BIN3: variants seen among roughly 807,000 people sequenced by gnomAD.
BIN3 encodes bridging integrator 3.
A neutral mutation model predicts 38.2 loss-of-function variants in BIN3; 41 were observed. The ratio of observed to expected loss-of-function variants is 1.07; its 90% CI spans 0.84 to 1.39. BIN3 has a LOEUF of 1.39. Ranked by LOEUF, BIN3 falls within the 40% of genes most tolerant of loss-of-function variation. The pLI is 0.00. For synonymous variants in BIN3, 145 were observed against 122.6 expected (o/e 1.18, Z -1.21); for missense variants, 361 against 324.3 (o/e 1.11, Z -0.87).
At chr8:22,634,798 G>C (rs1015685666) in intron 4 of BIN3, among the ~76,000 whole-genome samples, 5 of 152,168 alleles carry the variant, frequency 3.3e-5, no homozygotes, top group South Asian at 2.1e-4. Flanking sequence ...GGGCACGGGG[G>C]TGGGCAAAGG....
At chr8:22,660,987 C>T (rs1332990085) in intron 1 of BIN3, among the ~76,000 whole-genome samples, 1 of 152,200 alleles carries the variant, frequency 6.6e-6, no homozygotes, top group Non-Finnish European at 1.5e-5. Flanking sequence ...TGGGCTCCAG[C>T]AGTCCACCTG....
Position 22,629,985 on chromosome 8 carries a change from GTC to G in BIN3, c.315_316del (p.Lys105AsnfsTer41). On this transcript the variant is annotated frameshift_variant, in exon 6 of 9. Transcript: ENST00000276416. LOFTEE classifies it high-confidence loss of function. Reference sequence around the variant, plus strand: ...TCACTTTTTTAAGGGCTCGATCACAGTCTTCTGGATCTGGTTCACCTGTCAAA... The same window carrying G: ...TCACTTTTTTAAGGGCTCGATCACAGTTCTGGATCTGGTTCACCTGTCAAA... 1.2e-6 allele frequency: 2 copies of G among 1,609,766 alleles called. No individual in the cohort carries two copies. Among genetic ancestry groups the G allele is most frequent in the Non-Finnish European group, 1.7e-6 (2 of 1,177,860 alleles).
At chr8:22,655,213 C>T (rs1236646043) in intron 1 of BIN3, among the ~76,000 whole-genome samples, 1 of 152,192 alleles carries the variant, frequency 6.6e-6, no homozygotes, top group Admixed American at 6.5e-5. Context: ...GAAATATTTT[C>T]TCTCATCCAT....
At chr8:22,661,671 G>A (rs1318790622) in intron 1 of BIN3, among the ~76,000 whole-genome samples, 1 of 151,924 alleles carries the variant, frequency 6.6e-6, no homozygotes. Context: ...AATGTTGAGT[G>A]TATCACTCTT....
intron 6 of BIN3, among the ~76,000 whole-genome samples, chr8:22,629,024 C>T (rs1458855768): frequency 3.3e-5 from 5 of 152,210 alleles, no homozygotes; most frequent in Non-Finnish European, 5.9e-5. Flanking sequence ...TGAGCCTCCA[C>T]GGTCCTGGCT....
chr8:22,636,504 T>G (rs956458452), intron 4 of BIN3, 21 bp downstream of exon 4: 98 of 1,551,150 alleles, frequency 6.3e-5, no homozygotes, highest in Non-Finnish European at 8.1e-5. Context: ...AAGCGAGTGG[T>G]GCGGGTGGAA....
intron 2 of BIN3, 122 bp downstream of exon 2, chr8:22,644,633 G>T: frequency 1.1e-6 from 1 of 912,204 alleles, no homozygotes; most frequent in Non-Finnish European, 1.7e-6. Context: ...CGCATAAGCA[G>T]GAAGAAGGCC....
At chr8:22,635,875 A>G (rs955273089) in intron 4 of BIN3, among the ~76,000 whole-genome samples, 3 of 152,064 alleles carry the variant, frequency 2.0e-5, no homozygotes, top group African/African-American at 7.2e-5. Context: ...GCCTGCAGCA[A>G]GGGCTCTGGA....
chr8:22,665,825 C>T (rs1395242973), intron 1 of BIN3, among the ~76,000 whole-genome samples: 3 of 152,154 alleles, frequency 2.0e-5, no homozygotes, highest in African/African-American at 7.2e-5. Flanking sequence ...ACATGAGGAA[C>T]ACCAAAGTGT....
At chr8:22,629,329 G>A (rs896678404) in intron 6 of BIN3, among the ~76,000 whole-genome samples, 3 of 152,174 alleles carry the variant, frequency 2.0e-5, no homozygotes, top group African/African-American at 7.2e-5. Context: ...GGAAGATGAA[G>A]TGATTCGGGG....
In BIN3 at chr8:22,658,844, T is replaced by C. The variant is rs546005902; in HGVS notation, c.8+10200A>G. ...GGGCTGAGCAAAGAGTAGGCGGTGG[T>C]GGTTGATAGTGGCTGAAATCCTGGC... On this transcript the variant is annotated intron_variant, in intron 1 of 8. Transcript: ENST00000276416. Among the ~76,000 whole-genome samples, 85 of 139,756 alleles carry C rather than the reference T, an allele frequency of 6.1e-4. 1 individual carries two copies. The highest frequency in any genetic ancestry group is 2.8e-3 in the South Asian group (12 of 4,336). 91.7% of individuals were successfully genotyped at this position (139,756 alleles called of 152,430 possible).
chr8:22,635,833 C>T (rs562781101), intron 4 of BIN3, among the ~76,000 whole-genome samples: 2 of 152,254 alleles, frequency 1.3e-5, no homozygotes, highest in South Asian at 4.1e-4. Context: ...TCCATCTCTC[C>T]CGGCTGCTCG....
intron 4 of BIN3, among the ~76,000 whole-genome samples, chr8:22,632,768 G>C (rs964307090): frequency 6.9e-6 from 1 of 145,354 alleles, no homozygotes; most frequent in Non-Finnish European, 1.5e-5. Flanking sequence ...GAGTGCAATG[G>C]CATCATCTCG....
rs1802660032 is a variant in BIN3 at position 22,644,692 on chromosome 8, T to A, written c.57+63A>T. On this transcript the variant is annotated intron_variant, in intron 2 of 8. Coordinates refer to ENST00000276416, the MANE Select transcript of BIN3 (RefSeq NM_018688.6). ...AAGATGTGTTGATTCAAAGCTTTGA[T>A]TCTTATGCAAAGGCCATGTGATACA... The A allele has an allele frequency of 2.7e-6, 4 of 1,491,586 alleles. No individual in the cohort carries two copies. In the South Asian group the frequency reaches 3.6e-5, roughly 13 times the overall value. 92.4% of individuals were successfully genotyped at this position (1,491,586 alleles called of 1,614,324 possible). A position where few individuals can be genotyped will look rare whatever the true frequency, so the allele number is the denominator to read the frequency against.
At chr8:22,651,103 A>G (rs1180347621) in intron 1 of BIN3, among the ~76,000 whole-genome samples, 1 of 152,210 alleles carries the variant, frequency 6.6e-6, no homozygotes, top group Non-Finnish European at 1.5e-5. Context: ...TGACCAACAG[A>G]AACTATTTGT....
At chr8:22,639,225 T>C (rs1215977249) in intron 2 of BIN3, among the ~76,000 whole-genome samples, 2 of 151,914 alleles carry the variant, frequency 1.3e-5, no homozygotes, top group South Asian at 4.1e-4. Context: ...GACTTGATAG[T>C]ACTAAGCATT....
intron 1 of BIN3, among the ~76,000 whole-genome samples, chr8:22,647,266 T>C (rs1802743513): frequency 6.6e-6 from 1 of 152,164 alleles, no homozygotes; most frequent in Admixed American, 6.5e-5. Flanking sequence ...ATCAGAAACG[T>C]AGATTCCATT....
At position 22,656,478 on chromosome 8, in the gene BIN3, A is replaced by G. The variant is rs116941931; in HGVS notation, c.9-11675T>C. On this transcript the variant is annotated intron_variant, in intron 1 of 8. Coordinates refer to ENST00000276416, the MANE Select transcript of BIN3 (RefSeq NM_018688.6). Reference sequence around the variant, plus strand: ...GAAATTCAACTGGAAAAGAAGAAAAATAACTAATTAGGCTTTCCAGGTAGA... The same window carrying G: ...GAAATTCAACTGGAAAAGAAGAAAAGTAACTAATTAGGCTTTCCAGGTAGA... Among the ~76,000 whole-genome samples the G allele has an allele frequency of 2.3e-3, 355 of 152,344 alleles. 7 individuals carry two copies. In the East Asian group the frequency reaches 0.063, roughly 27 times the overall value.
chr8:22,626,724 T>TCACAGCGTGAAGCCGTGTGTGCGC (rs1802017759), intron 6 of BIN3, among the ~76,000 whole-genome samples: 5 of 152,136 alleles, frequency 3.3e-5, no homozygotes, highest in Admixed American at 3.3e-4. Flanking sequence ...AAGGAGGGCA[T>TCACAGCGTGAAGCCGTGTGTGCGC]CACAGCGTGA....
Sources: allele counts gnomAD v4.1 joint callset (sites outside exome capture counted in the v4.1 genomes callset), GRCh38; gene constraint gnomAD v4.1.1; transcripts MANE v1.5; gene names NCBI Gene and HGNC (gene_info 2026-07-23, HGNC 2026-07-21).